PCDHGB6: variants seen among roughly 807,000 people sequenced by gnomAD.
PCDHGB6 encodes the protein protocadherin gamma-B6.
PCDHGB6 carries 51 observed loss-of-function variants against 59.1 expected under a neutral mutation model. The ratio of observed to expected loss-of-function variants is 0.86; its 90% CI spans 0.69 to 1.09. PCDHGB6 has a LOEUF of 1.09. Ranked by LOEUF, PCDHGB6 falls within the 50% of genes least tolerant of loss-of-function variation. The pLI, the probability that PCDHGB6 is intolerant of heterozygous loss-of-function variation, is 0.00. For synonymous variants in PCDHGB6, 466 were observed against 495.1 expected, an observed-to-expected ratio of 0.94 and a Z score of 0.78; for missense variants, 1,148 against 1,205.1, an observed-to-expected ratio of 0.95 and a Z score of 0.70.
chr5:141,489,084 C>A lies in PCDHGB6; in HGVS notation c.2419-5723C>A. On this transcript the variant is annotated intron_variant, in intron 1 of 3. Coordinates refer to ENST00000520790, the MANE Select transcript of PCDHGB6 (RefSeq NM_018926.3). The surrounding 1 kb of genome is among the most constrained non-coding windows in gnomAD (Gnocchi z 4.5). Reference sequence around the variant, plus strand: ...CTCCCCCCTGCCCACCCCCGCCACTCGGTGACTAAGAACTGCTGCAAGCAG... The same window carrying A: ...CTCCCCCCTGCCCACCCCCGCCACTAGGTGACTAAGAACTGCTGCAAGCAG... The A allele has an allele frequency of 9.1e-6, 3 of 329,124 alleles. No homozygotes were observed. The highest frequency in any genetic ancestry group is 1.1e-5 in the Non-Finnish European group (2 of 186,464). The allele number at this position is 329,124 out of a possible 1,614,324, so 20.4% of individuals were successfully genotyped here. A position where few individuals can be genotyped will look rare whatever the true frequency, so the allele number is the denominator to read the frequency against.
intron 1 of PCDHGB6, among the ~76,000 whole-genome samples, chr5:141,420,868 G>C (rs1479734969): frequency 6.6e-6 from 1 of 152,222 alleles, no homozygotes; most frequent in Non-Finnish European, 1.5e-5. Context: ...GTCACATAAT[G>C]TAAGTATTGT....
In PCDHGB6 at chr5:141,423,840, A is replaced by G. The variant is rs189449471; in HGVS notation, c.2418+13220A>G. ...CTTTGCCTTTCATGAGATTACGATA[A>G]TCTTTCAGAACGTTTTTGTGAAAGT... On this transcript the variant is annotated intron_variant, in intron 1 of 3. Coordinates refer to ENST00000520790, the MANE Select transcript of PCDHGB6 (RefSeq NM_018926.3). 1,637 of 1,279,840 alleles carry G rather than the reference A, an allele frequency of 1.3e-3. 3 individuals carry two copies. The highest frequency in any genetic ancestry group is 1.5e-3 in the Non-Finnish European group (1,519 of 1,009,392). 79.3% of individuals were successfully genotyped at this position (1,279,840 alleles called of 1,614,324 possible).
intron 1 of PCDHGB6, among the ~76,000 whole-genome samples, chr5:141,443,210 G>A (rs142248407): frequency 3.2e-4 from 49 of 151,888 alleles, no homozygotes; most frequent in African/African-American, 9.4e-4. Context: ...AGCTTGTCTC[G>A]CCAGGCGCAT....
rs1386791249 is a variant in PCDHGB6 at position 141,511,417 on chromosome 5, G to A, written c.*244G>A. 1.2e-6 allele frequency: 1 copy of A among 835,942 alleles called. No homozygotes were observed. Among genetic ancestry groups the A allele is most frequent in the African/African-American group, 1.7e-5 (1 of 58,154 alleles). The allele number at this position is 835,942 out of a possible 1,614,324, so 51.8% of individuals were successfully genotyped here. A position where few individuals can be genotyped will look rare whatever the true frequency, so the allele number is the denominator to read the frequency against. The stretch of plus-strand genomic sequence containing the variant: ...CCATCCAATCAACTGCTGTACCCAT[G>A]GGGGTAGTGGGGTTACTGTAGACAC... On this transcript the variant is annotated 3_prime_UTR_variant, in exon 4 of 4. Transcript: ENST00000520790.
chr5:141,419,734 G>A, intron 1 of PCDHGB6: 2 of 1,613,792 alleles, frequency 1.2e-6, no homozygotes, highest in Non-Finnish European at 1.7e-6. Context: ...GAACAGGCGA[G>A]GTGCGCATGG....
chr5:141,489,425 G>A lies in PCDHGB6; in HGVS notation c.2419-5382G>A, dbSNP rs779739693. 18 of 1,614,000 alleles carry A rather than the reference G, an allele frequency of 1.1e-5. No homozygotes were observed. Among genetic ancestry groups the A allele is most frequent in the South Asian group, 5.5e-5 (5 of 91,074 alleles). The stretch of plus-strand genomic sequence containing the variant: ...TTAAAGATGACAGATCTGTTGAGCC[G>A]GCGGCTGCAATTGGGCTCTGAGGAG... On this transcript the variant is annotated intron_variant, in intron 1 of 3. Transcript: ENST00000520790. This position sits in a 1 kb window ranked among gnomAD's most constrained non-coding sequence, Gnocchi z 4.5.
rs146719320 is a variant in PCDHGB6, at chr5:141,444,557, A to T, written c.2418+33937A>T. ...TGTGTCTAGTGAGCAAAAGGCACTTATTTGACACTTTTGACTCTTCCTTTC... is the reference window on the plus strand; with the variant it reads ...TGTGTCTAGTGAGCAAAAGGCACTTTTTTGACACTTTTGACTCTTCCTTTC... On this transcript the variant is annotated intron_variant, in intron 1 of 3. Transcript: ENST00000520790. Among the ~76,000 whole-genome samples, 1,352 of 152,248 alleles carry T rather than the reference A, an allele frequency of 8.9e-3. 18 individuals carry two copies. The highest frequency in any genetic ancestry group is 0.031 in the African/African-American group (1,277 of 41,558).
chr5:141,441,739 C>T, intron 1 of PCDHGB6: 1 of 365,272 alleles, frequency 2.7e-6, no homozygotes, highest in South Asian at 2.2e-5. Context: ...GACTAGCTCG[C>T]GCTCGGCGTC....
chr5:141,414,540 C>G, intron 1 of PCDHGB6: 1 of 1,613,948 alleles, frequency 6.2e-7, no homozygotes. Flanking sequence ...ACCCACCTAC[C>G]TTCTCTCAAG....
rs773688197 is a variant in PCDHGB6 at position 141,432,412 on chromosome 5, C to A, written c.2418+21792C>A. 2.5e-6 allele frequency: 4 copies of A among 1,614,128 alleles called. No homozygotes were observed. The Admixed American group carries it at 6.7e-5, about 27-fold the overall frequency. On this transcript the variant is annotated intron_variant, in intron 1 of 3. Transcript: ENST00000520790. The surrounding 1 kb of genome is among the most constrained non-coding windows in gnomAD (Gnocchi z 6.0). ...GCAGCAACGTGTCGTTGAGCCTGTT[C>A]GTGCTGGACCAGAACGACAATGCGC...
rs549866784 is a variant in PCDHGB6, at chr5:141,437,490, A to G, written c.2418+26870A>G. ...TTTTATAGCATATTTAATCTCGTAGATCACTTTTCAATGAATTATAAGGCT... is the reference window on the plus strand; with the variant it reads ...TTTTATAGCATATTTAATCTCGTAGGTCACTTTTCAATGAATTATAAGGCT... On this transcript the variant is annotated intron_variant, in intron 1 of 3. Coordinates refer to ENST00000520790, the MANE Select transcript of PCDHGB6 (RefSeq NM_018926.3). 2.0e-5 allele frequency among the ~76,000 whole-genome samples: 3 copies of G among 152,308 alleles called. No homozygotes were observed. In the East Asian group the frequency reaches 5.8e-4, roughly 29 times the overall value.
intron 1 of PCDHGB6, chr5:141,420,545 A>G: frequency 3.5e-6 from 1 of 289,066 alleles, no homozygotes; most frequent in Non-Finnish European, 6.2e-6. Flanking sequence ...TATAAAATAC[A>G]GGTATATTTT....
intron 1 of PCDHGB6, among the ~76,000 whole-genome samples, chr5:141,425,459 C>A (rs2096876834): frequency 6.6e-6 from 1 of 152,200 alleles, no homozygotes; most frequent in African/African-American, 2.4e-5. Flanking sequence ...CATCACATTT[C>A]ATGTTATTAA....
rs1036126623 is a variant in PCDHGB6 at position 141,410,753 on chromosome 5, T to C, written c.2418+133T>C. The stretch of plus-strand genomic sequence containing the variant: ...AGCTTTTTACAATATTTTCTCAATG[T>C]TTTTTCAATTATAGTTTTCACTATG... On this transcript the variant is annotated intron_variant, in intron 1 of 3. Coordinates refer to ENST00000520790, the MANE Select transcript of PCDHGB6 (RefSeq NM_018926.3). 2.4e-6 allele frequency: 3 copies of C among 1,229,812 alleles called. No homozygotes were observed. In the Admixed American group the frequency reaches 8.8e-5, roughly 36 times the overall value. The allele number at this position is 1,229,812 out of a possible 1,614,324, so 76.2% of individuals were successfully genotyped here. A position where few individuals can be genotyped will look rare whatever the true frequency, so the allele number is the denominator to read the frequency against.
At chr5:141,484,877 G>T in intron 1 of PCDHGB6, 1 of 338,660 alleles carries the variant, frequency 3.0e-6, no homozygotes, top group Non-Finnish European at 5.4e-6. Context: ...GTGGAGGATA[G>T]GGTGGGCTTT....
intron 2 of PCDHGB6, among the ~76,000 whole-genome samples, chr5:141,504,870 AG>A (rs1453764331): frequency 6.6e-6 from 1 of 151,996 alleles, no homozygotes; most frequent in Non-Finnish European, 1.5e-5. Context: ...CCACCTTCAC[AG>A]TCCTCTGGAG....
intron 1 of PCDHGB6, chr5:141,440,642 A>G (rs1351979857): frequency 6.6e-6 from 1 of 152,234 alleles, no homozygotes; most frequent in African/African-American, 2.4e-5. Context: ...AATTCCTTAC[A>G]AAATTATCAC....
rs182132552 is a variant in PCDHGB6 at position 141,435,146 on chromosome 5, T to A, written c.2418+24526T>A. Among the ~76,000 whole-genome samples the A allele has an allele frequency of 4.6e-3, 696 of 152,288 alleles. 5 individuals carry two copies. Among genetic ancestry groups the A allele is most frequent in the African/African-American group, 0.016 (677 of 41,554 alleles). ...ATGGAAAATATAAATAAAATTGTGA[T>A]AAACTTTTGTAAATAGAGTGGCTTT... On this transcript the variant is annotated intron_variant, in intron 1 of 3. Transcript: ENST00000520790.
intron 1 of PCDHGB6, chr5:141,417,773 T>C: frequency 6.9e-7 from 1 of 1,458,374 alleles, no homozygotes; most frequent in South Asian, 1.4e-5. Context: ...GGACTCCTCC[T>C]GTCCTGGGCC....
Sources: allele counts gnomAD v4.1 joint callset (sites outside exome capture counted in the v4.1 genomes callset), GRCh38; gene constraint gnomAD v4.1.1; non-coding constraint Gnocchi (gnomAD v3.1); transcripts MANE v1.5; gene names NCBI Gene and HGNC (gene_info 2026-07-23, HGNC 2026-07-21).